Variants in SLC22A25 observed in about 807,000 individuals in gnomAD.
SLC22A25 encodes the protein MGI:2442751, MGI:2385316, MGI:3042283, MGI:3645714, MGI:3605624, MGI:2442750.
Under a neutral mutation model 45.9 loss-of-function variants are expected in SLC22A25, and 44 were observed. That is an observed-to-expected ratio of 0.96 (90% CI 0.75 to 1.23). The LOEUF (loss-of-function observed/expected upper bound fraction) is 1.23. Ranked by LOEUF, SLC22A25 falls within the 50% of genes most tolerant of loss-of-function variation. SLC22A25 has a pLI of 0.00. For missense variants in SLC22A25, 800 were observed against 666.4 expected, an observed-to-expected ratio of 1.20 and a Z score of -2.21; for synonymous variants, 283 against 238.6, an observed-to-expected ratio of 1.19 and a Z score of -1.72.
At chr11:63,164,910 G>A (rs1228824421) in intron 10 of SLC22A25, among the ~76,000 whole-genome samples, 1 of 151,874 alleles carries the variant, frequency 6.6e-6, no homozygotes, top group Non-Finnish European at 1.5e-5. Context: ...GGGAACATTA[G>A]AGCTAAAGAG....
chr11:63,229,139 A>G, intron 4 of SLC22A25, 112 bp downstream of exon 4: 1 of 1,132,380 alleles, frequency 8.8e-7, no homozygotes, highest in Non-Finnish European at 1.2e-6. Context: ...GTTTCCTGAA[A>G]GAATGAAGAA....
chr11:63,164,737 G>C, intron 10 of SLC22A25, 103 bp from the exon 11 acceptor site: 1 of 887,644 alleles, frequency 1.1e-6, no homozygotes, highest in Non-Finnish European at 1.8e-6. Context: ...GTTTCCAGGG[G>C]TAAAATGTAC....
At chr11:63,201,375 T>C (rs1363436852) in intron 7 of SLC22A25, among the ~76,000 whole-genome samples, 1 of 152,098 alleles carries the variant, frequency 6.6e-6, no homozygotes, top group Non-Finnish European at 1.5e-5. Context: ...TCTCTGATCT[T>C]CAACAAAACT....
intron 7 of SLC22A25, among the ~76,000 whole-genome samples, chr11:63,187,110 C>T (rs956427836): frequency 6.6e-6 from 1 of 152,110 alleles, no homozygotes; most frequent in East Asian, 1.9e-4. Context: ...ATGGGGATGT[C>T]ATTGAATCTA....
chr11:63,207,265 A>G (rs1294383315), intron 7 of SLC22A25, among the ~76,000 whole-genome samples: 2 of 152,262 alleles, frequency 1.3e-5, no homozygotes, highest in African/African-American at 4.8e-5. Flanking sequence ...CAAAATTGAT[A>G]AATGGGATCT....
chr11:63,231,164 T>C (rs1001650228), intron 3 of SLC22A25, among the ~76,000 whole-genome samples: 12 of 152,264 alleles, frequency 7.9e-5, no homozygotes, highest in Admixed American at 2.6e-4. Context: ...GGGTATATAC[T>C]CAGTAATGGG....
At chr11:63,233,987 T>C (rs1259614352) in intron 3 of SLC22A25, among the ~76,000 whole-genome samples, 1 of 152,250 alleles carries the variant, frequency 6.6e-6, no homozygotes, top group Non-Finnish European at 1.5e-5. Context: ...TTGATTGCAC[T>C]GTGGCCTGAG....
chr11:63,183,665 A>G (rs560260959), intron 8 of SLC22A25, 29 bp downstream of exon 8: 2 of 1,611,884 alleles, frequency 1.2e-6, no homozygotes, highest in East Asian at 4.5e-5. Flanking sequence ...TCTTCCCAGC[A>G]TCCCATATCC....
Position 63,163,403 on chromosome 11 carries a change from C to T in SLC22A25, c.*421G>A, listed in dbSNP as rs2087570753. On this transcript the variant is annotated 3_prime_UTR_variant, in exon 12 of 12. Transcript: ENST00000306494. ...GGACTTCTCATCTGTGGGAGGGGCT[C>T]TTATTTTCTATACAGTCTCTCACAA... 6.6e-6 allele frequency among the ~76,000 whole-genome samples: 1 copy of T among 152,138 alleles called. No individual in the cohort carries two copies. The highest frequency in any genetic ancestry group is 6.6e-5 in the Admixed American group (1 of 15,264).
intron 1 of SLC22A25, among the ~76,000 whole-genome samples, chr11:63,240,652 T>A: frequency 6.6e-6 from 1 of 152,238 alleles, no homozygotes; most frequent in Non-Finnish European, 1.5e-5. Flanking sequence ...CTATTAAGTT[T>A]ATTTTTTGCT....
In SLC22A25 at chr11:63,163,771, C is replaced by A. The variant is rs2134702658; in HGVS notation, c.*53G>T. ...TACATGGGAATAGCCCAGATCTAAG[C>A]CTTTTTGGGGGATGGTAGCCCTAAA... On this transcript the variant is annotated 3_prime_UTR_variant, in exon 12 of 12. Transcript: ENST00000306494. The A allele has an allele frequency of 1.3e-6, 2 of 1,559,114 alleles. No individual in the cohort carries two copies. The highest frequency in any genetic ancestry group is 1.9e-5 in the Admixed American group (1 of 52,542).
chr11:63,243,474 A>G lies in SLC22A25; in HGVS notation c.-1036T>C, dbSNP rs1043396162. 2.6e-6 allele frequency: 2 copies of G among 762,388 alleles called. No homozygotes were observed. The highest frequency in any genetic ancestry group is 1.7e-5 in the African/African-American group (1 of 58,718). 47.2% of individuals were successfully genotyped at this position (762,388 alleles called of 1,614,324 possible). On this transcript the variant is annotated 5_prime_UTR_variant, in exon 1 of 12. The change abolishes an upstream ATG in the 5' untranslated region. Coordinates refer to ENST00000306494, the MANE Select transcript of SLC22A25 (RefSeq NM_199352.6). Reference sequence around the variant, plus strand: ...GCCAGGATCCCAACTTCAAAGTCCCATCTGCAACTCCTGGGTGCTGTCTGC... The same window carrying G: ...GCCAGGATCCCAACTTCAAAGTCCCGTCTGCAACTCCTGGGTGCTGTCTGC...
chr11:63,217,257 C>T, intron 7 of SLC22A25, 57 bp downstream of exon 7: 1 of 1,569,798 alleles, frequency 6.4e-7, no homozygotes, highest in Non-Finnish European at 8.6e-7. Context: ...GTCCTCATTC[C>T]ATGTACATCT....
At chr11:63,216,906 C>G (rs1468398906) in intron 7 of SLC22A25, among the ~76,000 whole-genome samples, 1 of 152,012 alleles carries the variant, frequency 6.6e-6, no homozygotes, top group African/African-American at 2.4e-5. Context: ...ATAAGCATGT[C>G]CCATGAGATA....
intron 7 of SLC22A25, among the ~76,000 whole-genome samples, chr11:63,211,832 T>C (rs1224434164): frequency 1.3e-5 from 2 of 151,876 alleles, no homozygotes; most frequent in African/African-American, 2.4e-5. Flanking sequence ...CTAATTAAAC[T>C]AAAGAGCTTC....
intron 7 of SLC22A25, among the ~76,000 whole-genome samples, chr11:63,196,540 T>C (rs1423131224): frequency 6.6e-6 from 1 of 152,172 alleles, no homozygotes; most frequent in Admixed American, 6.6e-5. Context: ...AAAAGGCCTT[T>C]GACAAAATTC....
At chr11:63,187,825 C>T (rs2088622207) in intron 7 of SLC22A25, among the ~76,000 whole-genome samples, 1 of 152,116 alleles carries the variant, frequency 6.6e-6, no homozygotes. Flanking sequence ...GTCATTGGTT[C>T]TCTTTATATG....
Position 63,164,474 on chromosome 11 carries a change from G to T in SLC22A25, c.1394+52C>A, listed in dbSNP as rs1426914275. ...TTTTTTCCCTTGTTAAGTGTCAATT[G>T]GTTGAGACAGGTCCATTTTGAGAAT... is the stretch of plus-strand genomic sequence containing the variant. On this transcript the variant is annotated intron_variant, in intron 11 of 11. Coordinates refer to ENST00000306494, the MANE Select transcript of SLC22A25 (RefSeq NM_199352.6). 13 of 1,464,486 alleles carry T rather than the reference G, an allele frequency of 8.9e-6. No homozygotes were observed. In the Admixed American group the frequency reaches 1.0e-4, roughly 12 times the overall value. 90.7% of individuals were successfully genotyped at this position (1,464,486 alleles called of 1,614,324 possible).
rs2089476702 is a variant in SLC22A25 at position 63,208,757 on chromosome 11, T to G, written c.830+8557A>C. ...CAGGGGCTGTGTGCTTGGAGGTGAG[T>G]GTGGGGGAAATTAGAACTAGGATGC... is the stretch of plus-strand genomic sequence containing the variant. On this transcript the variant is annotated intron_variant, in intron 7 of 11. Transcript: ENST00000306494. Among the ~76,000 whole-genome samples the G allele has an allele frequency of 1.3e-5, 2 of 151,194 alleles. 1 individual carries two copies. Among genetic ancestry groups the G allele is most frequent in the South Asian group, 4.2e-4 (2 of 4,768 alleles).
Sources: allele counts gnomAD v4.1 joint callset (sites outside exome capture counted in the v4.1 genomes callset), GRCh38; gene constraint gnomAD v4.1.1; transcripts MANE v1.5; gene names NCBI Gene and HGNC (gene_info 2026-07-23, HGNC 2026-07-21).